The following RAB38 variants were observed in gnomAD, a reference collection of about 807,000 sequenced individuals.
RAB38 encodes the protein RAB38, member RAS oncogene family.
RAB38 carries 15 observed loss-of-function variants against 18.4 expected under a neutral mutation model. The ratio of observed to expected loss-of-function variants is 0.82; its 90% CI spans 0.55 to 1.26. The LOEUF is 1.26. Ranked by LOEUF, RAB38 falls within the 50% of genes most tolerant of loss-of-function variation. The probability of loss-of-function intolerance (pLI) is 0.00; values close to 1 mark genes in which losing one functional copy is unlikely to be tolerated. For missense variants in RAB38, 294 were observed against 267.4 expected, an observed-to-expected ratio of 1.10 and a Z score of -0.69; for synonymous variants, 101 against 104.4, an observed-to-expected ratio of 0.97 and a Z score of 0.20.
At chr11:88,098,920 T>C in the RAB38 span, among the ~76,000 whole-genome samples, 1 of 151,944 alleles carries the variant, frequency 6.6e-6, no homozygotes, top group Non-Finnish European at 1.5e-5. Context: ...GGCATGATAC[T>C]GAAAAATATT....
At chr11:88,145,543 T>C (rs1449799196) in intron 2 of RAB38, among the ~76,000 whole-genome samples, 1 of 152,080 alleles carries the variant, frequency 6.6e-6, no homozygotes, top group Non-Finnish European at 1.5e-5. Context: ...ATTCAGGCAA[T>C]GGGCACCAAG....
chr11:87,805,942 G>A, the RAB38 span, among the ~76,000 whole-genome samples: 1 of 151,914 alleles, frequency 6.6e-6, no homozygotes, highest in African/African-American at 2.4e-5. Context: ...CCACGTTATT[G>A]GAGATAATTT....
the RAB38 span, among the ~76,000 whole-genome samples, chr11:88,024,517 G>A: frequency 6.6e-6 from 1 of 152,164 alleles, no homozygotes; most frequent in Non-Finnish European, 1.5e-5. Flanking sequence ...ACGTGATCCA[G>A]CAATTCCGTT....
At chr11:88,073,298 T>C in the RAB38 span, among the ~76,000 whole-genome samples, 1 of 152,180 alleles carries the variant, frequency 6.6e-6, no homozygotes, top group African/African-American at 2.4e-5. Flanking sequence ...AACAGAACCA[T>C]GCTACAGGAA....
At chr11:87,957,903 G>A in the RAB38 span, among the ~76,000 whole-genome samples, 75 of 152,016 alleles carry the variant, frequency 4.9e-4, no homozygotes, top group Admixed American at 1.6e-3. Flanking sequence ...TTGGGATATC[G>A]TGTTCTGATC....
the RAB38 span, among the ~76,000 whole-genome samples, chr11:88,037,409 T>A: frequency 6.6e-6 from 1 of 152,196 alleles, no homozygotes; most frequent in South Asian, 2.1e-4. Context: ...TTGTATTACT[T>A]TGACTTTTTA....
At position 88,119,397 on chromosome 11, in the gene RAB38, C is replaced by A. The variant is rs367974129; in HGVS notation, c.484-5257G>T. ...TTGTTCATAATTTTTTAAAAAGATT[C>A]TACACTTAAAATGTACAGCCAATTT... is the stretch of plus-strand genomic sequence containing the variant. On this transcript the variant is annotated intron_variant, in intron 2 of 2. Transcript: ENST00000243662. Among the ~76,000 whole-genome samples, 3 of 152,060 alleles carry A rather than the reference C, an allele frequency of 2.0e-5. No individual in the cohort carries two copies. The East Asian group carries it at 5.8e-4, about 29-fold the overall frequency.
At chr11:87,860,134 T>G in the RAB38 span, among the ~76,000 whole-genome samples, 1 of 152,088 alleles carries the variant, frequency 6.6e-6, no homozygotes, top group African/African-American at 2.4e-5. Context: ...AGATGCTTGA[T>G]GGGCCAGTGT....
the RAB38 span, among the ~76,000 whole-genome samples, chr11:88,022,080 T>C: frequency 2.0e-4 from 30 of 152,032 alleles, no homozygotes; most frequent in Middle Eastern, 3.4e-3. Flanking sequence ...CTCTGATGAA[T>C]GATGGTGCAA....
At chr11:87,804,809 C>T in the RAB38 span, among the ~76,000 whole-genome samples, 1 of 152,114 alleles carries the variant, frequency 6.6e-6, no homozygotes, top group African/African-American at 2.4e-5. Flanking sequence ...TTTCTGTTTA[C>T]ATGATAAAAA....
intron 2 of RAB38, among the ~76,000 whole-genome samples, chr11:88,119,633 A>C (rs767541603): frequency 2.0e-5 from 3 of 151,898 alleles, no homozygotes; most frequent in Non-Finnish European, 4.4e-5. Flanking sequence ...GTCTTGCGGC[A>C]AAGTATTTAA....
chr11:87,928,606 T>A, the RAB38 span, among the ~76,000 whole-genome samples: 9 of 152,072 alleles, frequency 5.9e-5, no homozygotes, highest in South Asian at 1.9e-3. Flanking sequence ...TATAAAAAAA[T>A]TCCACTGTTT....
At chr11:87,838,045 C>G in the RAB38 span, among the ~76,000 whole-genome samples, 2 of 152,070 alleles carry the variant, frequency 1.3e-5, no homozygotes, top group Non-Finnish European at 2.9e-5. Flanking sequence ...TTGCTTAATA[C>G]CTTGTGATAC....
the RAB38 span, among the ~76,000 whole-genome samples, chr11:87,827,419 CTGAT>C: frequency 2.0e-5 from 3 of 151,774 alleles, no homozygotes; most frequent in Admixed American, 6.6e-5. Context: ...CAATAAGAAT[CTGAT>C]TGAGAATAAC....
intron 2 of RAB38, among the ~76,000 whole-genome samples, chr11:88,136,359 C>A (rs563926239): frequency 6.6e-6 from 1 of 152,062 alleles, no homozygotes; most frequent in Admixed American, 6.6e-5. Flanking sequence ...AATCTAAGGG[C>A]GCTTCAAATG....
chr11:88,087,208 G>C, the RAB38 span, among the ~76,000 whole-genome samples: 3 of 151,970 alleles, frequency 2.0e-5, no homozygotes, highest in Non-Finnish European at 4.4e-5. Flanking sequence ...TCCCTGAGCA[G>C]AGACCTCACC....
At chr11:88,079,535 G>C in the RAB38 span, among the ~76,000 whole-genome samples, 1 of 151,716 alleles carries the variant, frequency 6.6e-6, no homozygotes, top group Non-Finnish European at 1.5e-5. Flanking sequence ...GAAGAAGATG[G>C]AATACTGGTC....
chr11:87,813,371 ACTTT>A, the RAB38 span, among the ~76,000 whole-genome samples: 1 of 152,170 alleles, frequency 6.6e-6, no homozygotes, highest in Admixed American at 6.5e-5. Flanking sequence ...GGTTAAGATT[ACTTT>A]CTCTCCTTTC....
chr11:88,145,380 T>A (rs1942972052), intron 2 of RAB38, among the ~76,000 whole-genome samples: 1 of 151,980 alleles, frequency 6.6e-6, no homozygotes, highest in South Asian at 2.1e-4. Flanking sequence ...AACTCCTGAC[T>A]TCGTGATCCA....
Sources: gnomAD v4.1 joint callset for allele counts (sites outside exome capture counted in the v4.1 genomes callset) on GRCh38, gnomAD v4.1.1 for gene constraint, MANE v1.5 for transcripts, NCBI Gene and HGNC (gene_info 2026-07-23, HGNC 2026-07-21) for gene names.